GRIP1: variants seen among roughly 807,000 people sequenced by gnomAD.
The protein encoded by GRIP1 is glutamate receptor interacting protein 1.
In GRIP1, 45 loss-of-function variants were observed where a neutral mutation model predicts 129.9. That is an observed-to-expected ratio of 0.35 (90% CI 0.27 to 0.44). GRIP1 has a LOEUF of 0.44. Ranked by LOEUF, GRIP1 falls within the 20% of genes least tolerant of loss-of-function variation. The pLI is 1.00. For synonymous variants in GRIP1, 530 were observed against 520.8 expected (o/e 1.02, Z -0.24); for missense variants, 1,196 against 1,396.8 (o/e 0.86, Z 2.29).
intron 1 of GRIP1, among the ~76,000 whole-genome samples, chr12:66,719,249 GATA>G (rs944670516): frequency 6.6e-6 from 1 of 152,076 alleles, no homozygotes; most frequent in South Asian, 2.1e-4. Context: ...TGCTCTAGAA[GATA>G]ATAATAATAA....
At chr12:66,373,003 T>G (rs1303028278) in intron 22 of GRIP1, among the ~76,000 whole-genome samples, 1 of 152,252 alleles carries the variant, frequency 6.6e-6, no homozygotes, top group African/African-American at 2.4e-5. Context: ...CTTAACTTGT[T>G]GAGTCTTTTG....
intron 1 of GRIP1, among the ~76,000 whole-genome samples, chr12:66,801,899 C>T (rs895159875): frequency 2.3e-4 from 35 of 152,082 alleles, no homozygotes; most frequent in African/African-American, 8.2e-4. Context: ...TCTCGAGAAA[C>T]ACATGGGGTA....
At chr12:66,881,654 G>C (rs2040480750) in intron 1 of GRIP1, among the ~76,000 whole-genome samples, 1 of 152,086 alleles carries the variant, frequency 6.6e-6, no homozygotes, top group Non-Finnish European at 1.5e-5. Context: ...AAAGGAGGGG[G>C]AAAGGGTCAA....
chr12:66,895,538 C>A (rs1281755399), intron 1 of GRIP1, among the ~76,000 whole-genome samples: 1 of 152,104 alleles, frequency 6.6e-6, no homozygotes. Context: ...ACTGTCACAG[C>A]CTCACTTGGT....
At chr12:66,444,778 C>G in intron 12 of GRIP1, 49 bp from the exon 13 acceptor site, 1 of 1,596,532 alleles carries the variant, frequency 6.3e-7, no homozygotes, top group Non-Finnish European at 8.6e-7. Context: ...AAATAATTAC[C>G]AAGCTGAGCT....
At position 66,351,555 on chromosome 12, in the gene GRIP1, GGTTTT is replaced by G. The variant is rs1196766948; in HGVS notation, c.3159+1857_3159+1861del. Among the ~76,000 whole-genome samples the G allele has an allele frequency of 7.0e-4, 100 of 143,482 alleles. 1 individual carries two copies. Among genetic ancestry groups the G allele is most frequent in the Non-Finnish European group, 8.4e-4 (56 of 66,884 alleles). The allele number at this position is 143,482 out of a possible 152,430, so 94.1% of individuals were successfully genotyped here. A position where few individuals can be genotyped will look rare whatever the true frequency, so the allele number is the denominator to read the frequency against. On this transcript the variant is annotated intron_variant, in intron 24 of 24. Coordinates refer to ENST00000359742, the MANE Select transcript of GRIP1 (RefSeq NM_001366722.1). ...AGTATATGCAGGGAAACAGGAAGGTGGTTTTTTTTTTTTTTTTTTTGGAAACTCAC... is the reference window on the plus strand; with the variant it reads ...AGTATATGCAGGGAAACAGGAAGGTGTTTTTTTTTTTTTTTGGAAACTCAC...
chr12:66,504,420 A>T (rs1565806947), intron 7 of GRIP1, among the ~76,000 whole-genome samples: 1 of 152,180 alleles, frequency 6.6e-6, no homozygotes, highest in Non-Finnish European at 1.5e-5. Context: ...ACTGAATTAG[A>T]TATGGACTGG....
At chr12:66,368,850 C>A (rs563821726) in intron 23 of GRIP1, among the ~76,000 whole-genome samples, 3 of 152,154 alleles carry the variant, frequency 2.0e-5, no homozygotes, top group Non-Finnish European at 4.4e-5. Context: ...TTGTAATGAC[C>A]ATATCTCCTC....
At chr12:67,037,172 C>CA (rs1218470186) in intron 1 of GRIP1, among the ~76,000 whole-genome samples, 6 of 151,768 alleles carry the variant, frequency 4.0e-5, no homozygotes, top group Non-Finnish European at 7.4e-5. Flanking sequence ...ACTAAAAATA[C>CA]AAAAAATTAG....
At chr12:66,797,494 C>T (rs1160871476) in intron 1 of GRIP1, among the ~76,000 whole-genome samples, 1 of 152,090 alleles carries the variant, frequency 6.6e-6, no homozygotes, top group Non-Finnish European at 1.5e-5. Flanking sequence ...AGCATACTGA[C>T]CCAGGTGATT....
chr12:66,423,543 T>C (rs1234749397), intron 14 of GRIP1, among the ~76,000 whole-genome samples: 2 of 152,146 alleles, frequency 1.3e-5, no homozygotes, highest in Non-Finnish European at 2.9e-5. Context: ...ATTCACTGAG[T>C]GCTTGGAATT....
At chr12:67,008,674 G>T (rs1368853966) in intron 1 of GRIP1, among the ~76,000 whole-genome samples, 1 of 152,100 alleles carries the variant, frequency 6.6e-6, no homozygotes, top group Non-Finnish European at 1.5e-5. Flanking sequence ...AAACTGAAAT[G>T]ATAATGCCTT....
intron 13 of GRIP1, among the ~76,000 whole-genome samples, chr12:66,439,654 T>C (rs558793451): frequency 2.0e-5 from 3 of 152,202 alleles, no homozygotes; most frequent in Admixed American, 6.5e-5. Flanking sequence ...ATTGCTGTTA[T>C]AAGAATTAAA....
intron 14 of GRIP1, among the ~76,000 whole-genome samples, chr12:66,422,661 C>T (rs2057848092): frequency 6.6e-6 from 1 of 152,180 alleles, no homozygotes; most frequent in Non-Finnish European, 1.5e-5. Context: ...TCAGACCTAT[C>T]TCTGTCATCC....
chr12:66,791,515 AG>A (rs1414485032), intron 1 of GRIP1, among the ~76,000 whole-genome samples: 1 of 152,146 alleles, frequency 6.6e-6, no homozygotes, highest in Non-Finnish European at 1.5e-5. Context: ...GCAGGAGTGA[AG>A]ACCACAGATG....
chr12:66,640,885 T>C (rs2031859559), intron 1 of GRIP1, among the ~76,000 whole-genome samples: 1 of 152,166 alleles, frequency 6.6e-6, no homozygotes, highest in Non-Finnish European at 1.5e-5. Context: ...TGGAAGTAGT[T>C]CATAAATCCC....
At chr12:66,521,109 G>C (rs953639271) in intron 5 of GRIP1, among the ~76,000 whole-genome samples, 2 of 152,174 alleles carry the variant, frequency 1.3e-5, no homozygotes, top group African/African-American at 4.8e-5. Flanking sequence ...CTCTCAATGA[G>C]TTCCTAGTTC....
chr12:66,638,475 G>A (rs183000898), intron 1 of GRIP1, among the ~76,000 whole-genome samples: 229 of 152,250 alleles, frequency 1.5e-3, no homozygotes, highest in African/African-American at 5.2e-3. Context: ...TCAAACCCCA[G>A]TACTTTGGCC....
At chr12:66,539,672 C>G (rs550574416) in intron 3 of GRIP1, among the ~76,000 whole-genome samples, 2 of 150,238 alleles carry the variant, frequency 1.3e-5, no homozygotes, top group African/African-American at 4.9e-5. Flanking sequence ...TGCTGCCTCC[C>G]TTTTGTACAT....
Sources: allele counts gnomAD v4.1 joint callset (sites outside exome capture counted in the v4.1 genomes callset), GRCh38; gene constraint gnomAD v4.1.1; transcripts MANE v1.5; gene names NCBI Gene and HGNC (gene_info 2026-07-23, HGNC 2026-07-21).